Variants in MAD1L1 observed in about 807,000 individuals in gnomAD.
MAD1L1 encodes the protein mitotic arrest deficient 1 like 1.
In MAD1L1, 95 loss-of-function variants were observed where a neutral mutation model predicts 96.9. The ratio of observed to expected loss-of-function variants is 0.98; its 90% CI spans 0.83 to 1.16. The LOEUF is 1.16. Among genes scored for constraint, MAD1L1 ranks in the 50% most tolerant of loss-of-function variants. The pLI is 0.00. For synonymous variants in MAD1L1, 473 were observed against 396.6 expected, an observed-to-expected ratio of 1.19 and a Z score of -2.29; for missense variants, 1,007 against 954.4, an observed-to-expected ratio of 1.06 and a Z score of -0.73.
chr7:1,827,365 A>G (rs533956858), intron 18 of MAD1L1, among the ~76,000 whole-genome samples: 7 of 152,176 alleles, frequency 4.6e-5, no homozygotes, highest in Non-Finnish European at 1.5e-5. Context: ...GAGGAGCTGC[A>G]GCACAGCCCT....
chr7:1,926,387 C>A (rs1338170987), intron 17 of MAD1L1, among the ~76,000 whole-genome samples: 1 of 152,244 alleles, frequency 6.6e-6, no homozygotes, highest in Non-Finnish European at 1.5e-5. Flanking sequence ...CAATTCACTT[C>A]ATTCATTACG....
intron 11 of MAD1L1, among the ~76,000 whole-genome samples, chr7:2,107,214 G>T (rs983094438): frequency 3.9e-5 from 6 of 152,328 alleles, no homozygotes; most frequent in Middle Eastern, 3.4e-3. Flanking sequence ...AGTGTGTGGG[G>T]CGGGACAGTC....
At chr7:2,064,573 C>T (rs1401089254) in intron 12 of MAD1L1, among the ~76,000 whole-genome samples, 1 of 152,058 alleles carries the variant, frequency 6.6e-6, no homozygotes, top group Admixed American at 6.5e-5. Flanking sequence ...GAGGATTCTC[C>T]TAGGAGGACA....
At chr7:2,202,381 T>C (rs914973224) in intron 10 of MAD1L1, among the ~76,000 whole-genome samples, 1 of 152,136 alleles carries the variant, frequency 6.6e-6, no homozygotes, top group African/African-American at 2.4e-5. Context: ...GGCCTGCACC[T>C]CTGGAGGGCA....
At chr7:2,158,694 C>A (rs904774015) in intron 10 of MAD1L1, among the ~76,000 whole-genome samples, 3 of 152,248 alleles carry the variant, frequency 2.0e-5, no homozygotes, top group Admixed American at 6.5e-5. Context: ...ACTTTTCTGG[C>A]TGATGCAACA....
chr7:1,921,174 G>T (rs1434996560), intron 17 of MAD1L1, among the ~76,000 whole-genome samples: 1 of 152,206 alleles, frequency 6.6e-6, no homozygotes, highest in Non-Finnish European at 1.5e-5. Context: ...TATCGGTGAG[G>T]GAGGCGGCCC....
chr7:2,180,764 CTTGT>C (rs1227523346), intron 10 of MAD1L1, among the ~76,000 whole-genome samples: 3 of 152,102 alleles, frequency 2.0e-5, no homozygotes, highest in Non-Finnish European at 4.4e-5. Flanking sequence ...CTCTGTTGAA[CTTGT>C]TTATTAGCTC....
intron 12 of MAD1L1, among the ~76,000 whole-genome samples, chr7:2,041,400 C>T (rs1298474114): frequency 2.0e-5 from 3 of 152,114 alleles, no homozygotes; most frequent in Non-Finnish European, 2.9e-5. Context: ...GAGCCCATCC[C>T]TGCCAGCCCC....
chr7:1,864,456 A>G (rs1784681840), intron 18 of MAD1L1, among the ~76,000 whole-genome samples: 1 of 152,148 alleles, frequency 6.6e-6, no homozygotes. Flanking sequence ...CATTATCCAA[A>G]TTGCTTCTGG....
intron 11 of MAD1L1, among the ~76,000 whole-genome samples, chr7:2,087,447 C>A (rs772583749): frequency 6.6e-6 from 1 of 152,012 alleles, no homozygotes; most frequent in Admixed American, 6.6e-5. Flanking sequence ...GGCTGAGGCA[C>A]GATAATCACT....
At chr7:2,159,388 G>GC (rs574838001) in intron 10 of MAD1L1, among the ~76,000 whole-genome samples, 64 of 152,246 alleles carry the variant, frequency 4.2e-4, no homozygotes, top group African/African-American at 1.5e-3. Flanking sequence ...TGCGTGGCCT[G>GC]CCCCCTCTTC....
chr7:1,850,657 T>G (rs1419334805), intron 18 of MAD1L1, among the ~76,000 whole-genome samples: 1 of 152,088 alleles, frequency 6.6e-6, no homozygotes, highest in Admixed American at 6.5e-5. Flanking sequence ...AAAGCCATGG[T>G]TGCCCAAGTT....
intron 12 of MAD1L1, among the ~76,000 whole-genome samples, chr7:2,020,440 G>A (rs147948824): frequency 8.5e-5 from 13 of 152,386 alleles, no homozygotes; most frequent in Admixed American, 6.5e-4. Flanking sequence ...AGCCTTCAGA[G>A]GACGGAACGC....
intron 18 of MAD1L1, among the ~76,000 whole-genome samples, chr7:1,827,420 C>A: frequency 7.2e-6 from 1 of 138,258 alleles, no homozygotes; most frequent in Non-Finnish European, 1.6e-5. Flanking sequence ...GGGTCCTCCC[C>A]TCCTGAGCCC....
intron 18 of MAD1L1, among the ~76,000 whole-genome samples, chr7:1,838,199 G>A (rs1402898390): frequency 6.6e-6 from 1 of 152,218 alleles, no homozygotes; most frequent in Non-Finnish European, 1.5e-5. Flanking sequence ...CAGCCCCTGG[G>A]ATGGAAAAGC....
chr7:2,028,848 C>T (rs759062912), intron 12 of MAD1L1, among the ~76,000 whole-genome samples: 17 of 152,016 alleles, frequency 1.1e-4, no homozygotes, highest in Non-Finnish European at 1.8e-4. Flanking sequence ...GCTGAGTCCA[C>T]TGGATACCCA....
At chr7:2,131,093 C>T (rs986277656) in intron 11 of MAD1L1, among the ~76,000 whole-genome samples, 23 of 152,290 alleles carry the variant, frequency 1.5e-4, no homozygotes, top group Middle Eastern at 3.4e-3. Flanking sequence ...TAGATTCGGA[C>T]GCTTTGGAGT....
chr7:1,831,793 G>C (rs775119034), intron 18 of MAD1L1, among the ~76,000 whole-genome samples: 5 of 152,198 alleles, frequency 3.3e-5, no homozygotes, highest in African/African-American at 7.2e-5. Flanking sequence ...GAACAACAAA[G>C]CCTGGATGAC....
intron 10 of MAD1L1, among the ~76,000 whole-genome samples, chr7:2,188,727 C>T (rs1470366748): frequency 1.4e-4 from 21 of 151,734 alleles, no homozygotes; most frequent in Admixed American, 1.4e-3. Context: ...AACTATAAAA[C>T]TCTTAGAAAA....
Sources: gnomAD v4.1 joint callset for allele counts (sites outside exome capture counted in the v4.1 genomes callset) on GRCh38, gnomAD v4.1.1 for gene constraint, MANE v1.5 for transcripts, NCBI Gene and HGNC (gene_info 2026-07-23, HGNC 2026-07-21) for gene names.